Variants in ABCB1 observed in about 807,000 individuals in gnomAD.
ABCB1 encodes ATP-dependent translocase ABCB1.
Under a neutral mutation model 142.0 loss-of-function variants are expected in ABCB1, and 69 were observed. That is an observed-to-expected ratio of 0.49 (90% CI 0.40 to 0.59). ABCB1 has a LOEUF of 0.59. Among genes scored for constraint, ABCB1 ranks in the 20% least tolerant of loss-of-function variants. The pLI, the probability that ABCB1 is intolerant of heterozygous loss-of-function variation, is 0.00. For missense variants in ABCB1, 1,326 were observed against 1,554.7 expected, an observed-to-expected ratio of 0.85 and a Z score of 2.47; for synonymous variants, 532 against 539.2, an observed-to-expected ratio of 0.99 and a Z score of 0.18.
chr7:87,540,432 GTATT>G (rs569902456), intron 18 of ABCB1, among the ~76,000 whole-genome samples: 1 of 151,960 alleles, frequency 6.6e-6, no homozygotes. Flanking sequence ...ATACCAAACA[GTATT>G]TATTTATTTA....
intron 8 of ABCB1, among the ~76,000 whole-genome samples, chr7:87,559,182 C>T (rs1197753537): frequency 6.6e-6 from 1 of 151,982 alleles, no homozygotes; most frequent in Non-Finnish European, 1.5e-5. Context: ...AACTTGCCTA[C>T]AAAATTATCC....
intron 4 of ABCB1, among the ~76,000 whole-genome samples, chr7:87,575,104 A>T (rs1818219285): frequency 6.6e-6 from 1 of 152,194 alleles, no homozygotes; most frequent in African/African-American, 2.4e-5. Flanking sequence ...CTGGCAAGAA[A>T]AGCCTTTTCT....
chr7:87,559,526 C>CTTTA (rs1473260087), intron 8 of ABCB1, among the ~76,000 whole-genome samples: 3 of 151,820 alleles, frequency 2.0e-5, no homozygotes, highest in Non-Finnish European at 4.4e-5. Context: ...ACTCTTTTGC[C>CTTTA]TTTATTTTCT....
At chr7:87,633,383 T>C (rs1399897477) in intron 1 of ABCB1, among the ~76,000 whole-genome samples, 1 of 152,342 alleles carries the variant, frequency 6.6e-6, no homozygotes, top group East Asian at 1.9e-4. Flanking sequence ...TCCTTATTGA[T>C]GACTTTACTC....
At chr7:87,552,857 ACT>A (rs28381887) in intron 9 of ABCB1, among the ~76,000 whole-genome samples, 2,940 of 151,862 alleles carry the variant, frequency 0.019, 62 homozygotes, top group Non-Finnish European at 0.032. Flanking sequence ...GAACTAAGTG[ACT>A]CTTCTAACAG....
In ABCB1 at chr7:87,520,858, C is replaced by T; in HGVS notation, c.2704G>A (p.Glu902Lys). 6.2e-7 allele frequency: 1 copy of T among 1,613,860 alleles called. No individual in the cohort carries two copies. Among genetic ancestry groups the T allele is most frequent in the Non-Finnish European group, 8.5e-7 (1 of 1,179,842 alleles). The change falls in exon 22 of 28, where the codon GAA becomes AAA. Residue 902 changes from glutamate (E) to lysine (K), a missense_variant. Transcript: ENST00000622132. ...AAAGAAACAACGGTTCGGAAGTTTT[C>T]TATTGCTTCAGTAGCGATCTGTAAC... ...GSGKIATEAI[E>K]NFRTVVSLTQ...
intron 1 of ABCB1, chr7:87,693,956 A>G: frequency 6.2e-7 from 1 of 1,611,516 alleles, no homozygotes; most frequent in Non-Finnish European, 8.5e-7. Context: ...ATACCTCTTC[A>G]AGGTACTCTA....
At chr7:87,624,606 C>A (rs1820340975) in intron 1 of ABCB1, among the ~76,000 whole-genome samples, 1 of 152,122 alleles carries the variant, frequency 6.6e-6, no homozygotes, top group African/African-American at 2.4e-5. Context: ...TTTGTAAAAT[C>A]TTTGAATACC....
intron 1 of ABCB1, chr7:87,628,984 G>C: frequency 3.8e-6 from 5 of 1,303,086 alleles, no homozygotes; most frequent in Non-Finnish European, 4.9e-6. Context: ...GCCTCCCGCC[G>C]GGGCTGAGAG....
Position 87,632,896 on chromosome 7 carries a change from G to T in ABCB1, c.-330-31818C>A, listed in dbSNP as rs532454757. Among the ~76,000 whole-genome samples the T allele has an allele frequency of 3.3e-5, 5 of 152,230 alleles. No homozygotes were observed. In the East Asian group the frequency reaches 9.6e-4, roughly 29 times the overall value. On this transcript the variant is annotated intron_variant, in intron 1 of 28. Coordinates refer to the ABCB1 transcript ENST00000265724. ...CAAACTTTTAAGTCAATACTTTTAA[G>T]AGAAACTTCCCATGCAAAGTCATAA...
At chr7:87,504,516 G>T in intron 27 of ABCB1, 67 bp from the exon 28 acceptor site, 2 of 1,588,862 alleles carry the variant, frequency 1.3e-6, no homozygotes, top group Middle Eastern at 3.8e-4. Flanking sequence ...TCCATAAAAA[G>T]CTCCACAGTA....
At chr7:87,659,505 A>G (rs190502198) in intron 1 of ABCB1, among the ~76,000 whole-genome samples, 1 of 152,234 alleles carries the variant, frequency 6.6e-6, no homozygotes, top group African/African-American at 2.4e-5. Flanking sequence ...TGTGTAGCAT[A>G]GTTGTTTTAA....
At chr7:87,594,565 G>C (rs1819119383) in intron 3 of ABCB1, among the ~76,000 whole-genome samples, 1 of 152,068 alleles carries the variant, frequency 6.6e-6, no homozygotes, top group Non-Finnish European at 1.5e-5. Flanking sequence ...TGAAATCCTG[G>C]GGATAAATAC....
chr7:87,650,757 A>AT lies in ABCB1; in HGVS notation c.-330-49680dup, dbSNP rs936005153. On this transcript the variant is annotated intron_variant, in intron 1 of 28. Coordinates refer to the ABCB1 transcript ENST00000265724. ...CTCTTCCCCAAATTGCCTTCCTCCCATTTTTTTCATACTTAGGGAATGAAT... is the reference window on the plus strand; with the variant it reads ...CTCTTCCCCAAATTGCCTTCCTCCCATTTTTTTTCATACTTAGGGAATGAAT... The AT allele has an allele frequency of 5.3e-5, 52 of 984,950 alleles. No homozygotes were observed. In the Middle Eastern group the frequency reaches 2.9e-3, roughly 55 times the overall value. 61.0% of individuals were successfully genotyped at this position (984,950 alleles called of 1,614,324 possible).
intron 20 of ABCB1, 74 bp from the exon 21 acceptor site, chr7:87,531,571 T>C: frequency 7.2e-7 from 1 of 1,382,982 alleles, no homozygotes; most frequent in South Asian, 1.2e-5. Context: ...TTCTGAAAAC[T>C]CACCTTCATG....
intron 21 of ABCB1, among the ~76,000 whole-genome samples, chr7:87,524,819 C>G (rs139418678): frequency 1.3e-5 from 2 of 150,494 alleles, no homozygotes; most frequent in East Asian, 3.9e-4. Flanking sequence ...TTCTAACAAA[C>G]AGGTTTTCTA....
intron 1 of ABCB1, among the ~76,000 whole-genome samples, chr7:87,684,932 C>G (rs559048416): frequency 3.3e-5 from 5 of 151,034 alleles, no homozygotes; most frequent in African/African-American, 1.2e-4. Flanking sequence ...GAACCTTGTT[C>G]CTTACCTCAC....
intron 17 of ABCB1, among the ~76,000 whole-genome samples, chr7:87,542,031 G>C (rs1816561481): frequency 6.6e-6 from 1 of 152,094 alleles, no homozygotes. Flanking sequence ...TAGTTATAAG[G>C]GCTAATAGGA....
intron 1 of ABCB1, among the ~76,000 whole-genome samples, chr7:87,684,742 G>A (rs1339002295): frequency 4.2e-5 from 3 of 71,720 alleles, no homozygotes; most frequent in Non-Finnish European, 7.2e-5. Context: ...GTGAGACTCC[G>A]TCTCAAAAAA....
Sources: allele counts gnomAD v4.1 joint callset (sites outside exome capture counted in the v4.1 genomes callset), GRCh38; gene constraint gnomAD v4.1.1; transcripts MANE v1.5; gene names NCBI Gene and HGNC (gene_info 2026-07-23, HGNC 2026-07-21).